Variants in P4HA2 observed in about 807,000 individuals in gnomAD.
P4HA2 encodes the protein prolyl 4-hydroxylase subunit alpha-2.
In P4HA2, 46 loss-of-function variants were observed where a neutral mutation model predicts 76.9. That is an observed-to-expected ratio of 0.60 (90% CI 0.47 to 0.76). P4HA2 has a LOEUF of 0.76. Among genes scored for constraint, P4HA2 ranks in the 30% least tolerant of loss-of-function variants. P4HA2 has a pLI of 0.00. For synonymous variants in P4HA2, 243 were observed against 254.0 expected, an observed-to-expected ratio of 0.96 and a Z score of 0.41; for missense variants, 583 against 669.4, an observed-to-expected ratio of 0.87 and a Z score of 1.42.
intron 14 of P4HA2, chr5:132,193,664 G>A (rs890826508): frequency 1.3e-5 from 2 of 152,272 alleles, no homozygotes; most frequent in South Asian, 2.1e-4. Flanking sequence ...GCATTGCAGA[G>A]GGCTTGGACA....
At position 132,190,319 on chromosome 5, in the gene P4HA2, C is replaced by T. The variant is rs953149760; in HGVS notation, c.*2691G>A. Reference sequence around the variant, plus strand: ...GCTCATCCTTGTAGTCTCTACTGTTCTACTGTAGCTGCCACTCTGTAAACT... The same window carrying T: ...GCTCATCCTTGTAGTCTCTACTGTTTTACTGTAGCTGCCACTCTGTAAACT... On this transcript the variant is annotated 3_prime_UTR_variant, in exon 15 of 15. Coordinates refer to ENST00000360568, the MANE Select transcript of P4HA2 (RefSeq NM_001017974.2). Among the ~76,000 whole-genome samples, 50 of 152,316 alleles carry T rather than the reference C, an allele frequency of 3.3e-4. No homozygotes were observed. The South Asian group carries it at 0.01, about 32-fold the overall frequency.
Position 132,198,459 on chromosome 5 carries a change from G to C in P4HA2, c.1306-79C>G, listed in dbSNP as rs562406771. ...CACAAGACTAGGACCAAAAGGGTCA[G>C]GGAAAAGTAATAAGTGTGTGTTCCA... is the stretch of plus-strand genomic sequence containing the variant. On this transcript the variant is annotated intron_variant, in intron 11 of 14. Coordinates refer to ENST00000360568, the MANE Select transcript of P4HA2 (RefSeq NM_001017974.2). The C allele has an allele frequency of 2.8e-4, 370 of 1,314,718 alleles. 3 individuals carry two copies. The South Asian group carries it at 4.4e-3, about 16-fold the overall frequency. The allele number at this position is 1,314,718 out of a possible 1,614,324, so 81.4% of individuals were successfully genotyped here.
rs1486314188 is a variant in P4HA2, at chr5:132,217,847, C to T, written c.84G>A (p.Gly28=). 13 of 1,594,466 alleles carry T rather than the reference C, an allele frequency of 8.2e-6. No individual in the cohort carries two copies. Among genetic ancestry groups the T allele is most frequent in the Non-Finnish European group, 1.1e-5 (13 of 1,163,798 alleles). Residue 28 remains glycine (G), a splice_region_variant and synonymous_variant, in exon 3 of 15, where the codon GGG becomes GGA. Transcript: ENST00000360568. ...CTGCATAAATCAGGTCAGTCATGTGCCCTGCAAGGGAGAGAAGAAAGACAC... is the reference window on the plus strand; with the variant it reads ...CTGCATAAATCAGGTCAGTCATGTGTCCTGCAAGGGAGAGAAGAAAGACAC... ...CVQAEFFTSI[G]HMTDLIYAEK...
chr5:132,209,770 C>CAAA (rs10656798), intron 6 of P4HA2, among the ~76,000 whole-genome samples: 2,357 of 94,832 alleles, frequency 0.025, 172 homozygotes, highest in African/African-American at 0.087. Context: ...GACTCTGTCT[C>CAAA]AAAAAAAAAA....
chr5:132,215,250 G>A (rs553748665), intron 4 of P4HA2, among the ~76,000 whole-genome samples: 2 of 152,202 alleles, frequency 1.3e-5, no homozygotes, highest in Admixed American at 6.5e-5. Context: ...TGCCCTGCTC[G>A]TTTCAGGGGC....
At chr5:132,194,797 A>G (rs186489134) in intron 14 of P4HA2, 129 bp downstream of exon 14, 1 of 718,140 alleles carries the variant, frequency 1.4e-6, no homozygotes, top group Admixed American at 2.0e-5. Context: ...TAACAGCAGA[A>G]AAAAACCTAA....
At chr5:132,198,993 C>A in intron 10 of P4HA2, 61 bp from the exon 11 acceptor site, 1 of 1,122,714 alleles carries the variant, frequency 8.9e-7, no homozygotes, top group Non-Finnish European at 1.4e-6. Context: ...AGCAGCCAAT[C>A]ACTCTAGGGA....
At chr5:132,195,706 G>A (rs1379456756) in intron 12 of P4HA2, 9 of 582,042 alleles carry the variant, frequency 1.5e-5, no homozygotes, top group Non-Finnish European at 2.5e-5. Context: ...TTCAAGAGTT[G>A]AGGCCCACAG....
Position 132,217,346 on chromosome 5 carries a change from C to G in P4HA2, c.182G>C (p.Trp61Ser), listed in dbSNP as rs777712107. 1.2e-6 allele frequency: 2 copies of G among 1,614,126 alleles called. No homozygotes were observed. The highest frequency in any genetic ancestry group is 1.3e-5 in the African/African-American group (1 of 75,038). Residue 61 changes from tryptophan (W) to serine (S), a missense_variant and splice_region_variant, in exon 4 of 15, where the codon TGG (tryptophan) becomes TCG (serine). Transcript: ENST00000360568. ...EEAKLSKIKS[W>S]ANKMEALTSK... Reference sequence around the variant, plus strand: ...AGTCAAGGCTTCCATTTTGTTGGCCCAGCTGTGGAACCAGAGGAAAAGGAA... The same window carrying G: ...AGTCAAGGCTTCCATTTTGTTGGCCGAGCTGTGGAACCAGAGGAAAAGGAA...
chr5:132,198,991 A>C, intron 10 of P4HA2, 59 bp from the exon 11 acceptor site: 2 of 1,149,732 alleles, frequency 1.7e-6, no homozygotes, highest in Non-Finnish European at 2.6e-6. Context: ...GTAGCAGCCA[A>C]TCACTCTAGG....
intron 4 of P4HA2, among the ~76,000 whole-genome samples, chr5:132,215,497 C>T (rs1753709400): frequency 1.3e-5 from 2 of 152,186 alleles, no homozygotes; most frequent in South Asian, 2.1e-4. Context: ...GAAAGGCAGC[C>T]GTGGTTTCTG....
intron 9 of P4HA2, 106 bp downstream of exon 9, chr5:132,203,976 G>T: frequency 8.8e-7 from 1 of 1,142,824 alleles, no homozygotes; most frequent in Non-Finnish European, 1.3e-6. Flanking sequence ...AGGGGGTGAG[G>T]AGGTGCCAGC....
At chr5:132,210,921 T>A (rs1019899233) in intron 5 of P4HA2, among the ~76,000 whole-genome samples, 1 of 151,972 alleles carries the variant, frequency 6.6e-6, no homozygotes, top group Non-Finnish European at 1.5e-5. Context: ...ATAAAAAACA[T>A]AAATTTAGGT....
At chr5:132,221,330 T>A (rs1754627246) in intron 1 of P4HA2, among the ~76,000 whole-genome samples, 1 of 152,216 alleles carries the variant, frequency 6.6e-6, no homozygotes, top group South Asian at 2.1e-4. Context: ...AAACCAATAC[T>A]GAGTTTTATC....
intron 5 of P4HA2, 33 bp downstream of exon 5, chr5:132,213,883 G>T (rs1375065737): frequency 1.1e-5 from 17 of 1,610,474 alleles, no homozygotes; most frequent in Non-Finnish European, 1.4e-5. Context: ...AGAGACACAT[G>T]CGGGACAGGC....
At chr5:132,197,922 A>T in intron 12 of P4HA2, 7 of 791,846 alleles carry the variant, frequency 8.8e-6, no homozygotes, top group Non-Finnish European at 1.1e-5. Context: ...CATTTAAAAA[A>T]TGGTTAAGAT....
chr5:132,225,303 A>G (rs1030396151), intron 1 of P4HA2, among the ~76,000 whole-genome samples: 1 of 151,666 alleles, frequency 6.6e-6, no homozygotes, highest in Non-Finnish European at 1.5e-5. Context: ...ATAATAGTAA[A>G]CTCTTGACAG....
intron 2 of P4HA2, 124 bp from the exon 3 acceptor site, chr5:132,217,972 A>G (rs154485): frequency 0.6 from 368,995 of 612,834 alleles, 113,942 homozygotes; most frequent in Non-Finnish European, 0.65. Flanking sequence ...CAGCTCTCTG[A>G]GGATTATGGG....
intron 5 of P4HA2, among the ~76,000 whole-genome samples, chr5:132,213,261 G>A (rs979815088): frequency 6.6e-6 from 1 of 152,194 alleles, no homozygotes; most frequent in African/African-American, 2.4e-5. Flanking sequence ...TGATGACCTT[G>A]TAAGAACAGC....
Sources: gnomAD v4.1 joint callset for allele counts (sites outside exome capture counted in the v4.1 genomes callset) on GRCh38, gnomAD v4.1.1 for gene constraint, MANE v1.5 for transcripts, NCBI Gene and HGNC (gene_info 2026-07-23, HGNC 2026-07-21) for gene names.